Variants in CCNG2 observed in about 807,000 individuals in gnomAD.
The protein encoded by CCNG2 is cyclin-G2.
A neutral mutation model predicts 36.5 loss-of-function variants in CCNG2; 20 were observed. The observed-to-expected ratio is 0.55, with a 90% confidence interval of 0.39 to 0.80. The LOEUF (loss-of-function observed/expected upper bound fraction) is 0.80. CCNG2 is among the 30% of genes least tolerant of loss of function. The pLI is 0.00. For synonymous variants in CCNG2, 155 were observed against 140.1 expected (o/e 1.11, Z -0.75); for missense variants, 358 against 390.8 (o/e 0.92, Z 0.71).
In CCNG2 at chr4:77,167,439, A is replaced by T. The variant is rs1002869963; in HGVS notation, c.*1515A>T. On this transcript the variant is annotated 3_prime_UTR_variant, in exon 8 of 8. Coordinates refer to ENST00000316355, the MANE Select transcript of CCNG2 (RefSeq NM_004354.3). ...ATTAAGTATGCTCTCAGAGACTGGT[A>T]TATTACCAGAATGCCTATTAATTTT... The T allele has an allele frequency of 6.6e-6, 1 of 152,194 alleles. No homozygotes were observed. Among genetic ancestry groups the T allele is most frequent in the African/African-American group, 2.4e-5 (1 of 41,444 alleles). The allele number at this position is 152,194 out of a possible 1,614,324, so 9.4% of individuals were successfully genotyped here.
intron 7 of CCNG2, 33 bp from the exon 8 acceptor site, chr4:77,165,768 G>C (rs748055630): frequency 6.6e-7 from 1 of 1,521,434 alleles, no homozygotes; most frequent in East Asian, 2.4e-5. Context: ...TTAAGTAATG[G>C]TATCCTCTTT....
Position 77,157,420 on chromosome 4 carries a change from C to G in CCNG2, c.-87C>G, listed in dbSNP as rs993486947. 6.6e-6 allele frequency: 1 copy of G among 152,400 alleles called. No individual in the cohort carries two copies. Among genetic ancestry groups the G allele is most frequent in the Non-Finnish European group, 1.5e-5 (1 of 68,208 alleles). The allele number at this position is 152,400 out of a possible 1,614,324, so 9.4% of individuals were successfully genotyped here. ...CACCGCTGAGGCGGTGGGTCCCCGACCTGCGAGACAGGTTTGGAAGCCCCC... is the reference window on the plus strand; with the variant it reads ...CACCGCTGAGGCGGTGGGTCCCCGAGCTGCGAGACAGGTTTGGAAGCCCCC... On this transcript the variant is annotated 5_prime_UTR_variant, in exon 1 of 8. Transcript: ENST00000316355.
At position 77,163,027 on chromosome 4, in the gene CCNG2, G is replaced by T. The variant is rs538771706; in HGVS notation, c.706-1247G>T. ...CAGGAAATTTGGGAGAAGTTAATTT[G>T]TGATGAGAGCAATATGATTTTAGAT... is the stretch of plus-strand genomic sequence containing the variant. On this transcript the variant is annotated intron_variant, in intron 6 of 7. Transcript: ENST00000316355. Among the ~76,000 whole-genome samples, 17 of 152,220 alleles carry T rather than the reference G, an allele frequency of 1.1e-4. No individual in the cohort carries two copies. The South Asian group carries it at 3.5e-3, about 32-fold the overall frequency.
chr4:77,168,376 T>TA lies in CCNG2; in HGVS notation c.*2453dup, dbSNP rs1178092589. On this transcript the variant is annotated 3_prime_UTR_variant, in exon 8 of 8. Transcript: ENST00000316355. Reference sequence around the variant, plus strand: ...TTTGTGATCCCTCAGCTTCCAGGCTTACTCCTGGTCTCTGCCTTCCTATCT... The same window carrying TA: ...TTTGTGATCCCTCAGCTTCCAGGCTTAACTCCTGGTCTCTGCCTTCCTATCT... 1 of 152,240 alleles carries TA rather than the reference T, an allele frequency of 6.6e-6. No individual in the cohort carries two copies. The highest frequency in any genetic ancestry group is 6.5e-5 in the Admixed American group (1 of 15,282). 9.4% of individuals were successfully genotyped at this position (152,240 alleles called of 1,614,324 possible). A position where few individuals can be genotyped will look rare whatever the true frequency, so the allele number is the denominator to read the frequency against.
chr4:77,159,286 A>C, intron 2 of CCNG2, 81 bp from the exon 3 acceptor site: 1 of 1,325,234 alleles, frequency 7.5e-7, no homozygotes. Flanking sequence ...GGAAAAAATT[A>C]ACCTTATTCT....
In CCNG2 at chr4:77,161,473, T is replaced by C; in HGVS notation, c.528-7T>C. 6.4e-7 allele frequency: 1 copy of C among 1,560,828 alleles called. No homozygotes were observed. Among genetic ancestry groups the C allele is most frequent in the Non-Finnish European group, 8.7e-7 (1 of 1,150,376 alleles). ...TTTAATAAATCTTTGTTCTTTGCAT[T>C]GTATAGGAAAGAAATACTGAGCCTT... On this transcript the variant is annotated splice_polypyrimidine_tract_variant and splice_region_variant and intron_variant, in intron 4 of 7. Transcript: ENST00000316355.
intron 7 of CCNG2, among the ~76,000 whole-genome samples, chr4:77,165,178 A>C (rs1731595394): frequency 6.6e-6 from 1 of 152,180 alleles, no homozygotes; most frequent in Admixed American, 6.5e-5. Context: ...CAGAAGTTTC[A>C]TTTTCATAGC....
chr4:77,161,099 CTTTT>C (rs34505988), intron 4 of CCNG2, 128 bp downstream of exon 4: 1,916 of 306,028 alleles, frequency 6.3e-3, no homozygotes, highest in East Asian at 8.7e-3. Context: ...ATTGGTAAAT[CTTTT>C]TTTTTTTTTT....
rs1731695463 is a variant in CCNG2 at position 77,168,857 on chromosome 4, A to G, written c.*2933A>G. The G allele has an allele frequency of 6.6e-6, 1 of 152,186 alleles. No individual in the cohort carries two copies. The highest frequency in any genetic ancestry group is 1.5e-5 in the Non-Finnish European group (1 of 68,030). The allele number at this position is 152,186 out of a possible 1,614,324, so 9.4% of individuals were successfully genotyped here. A position where few individuals can be genotyped will look rare whatever the true frequency, so the allele number is the denominator to read the frequency against. ...TTTTCAGAGCAGAGGGTGAGGAGAA[A>G]GCTACCATTTTGTCCTCATCCTTAC... On this transcript the variant is annotated 3_prime_UTR_variant, in exon 8 of 8. Coordinates refer to ENST00000316355, the MANE Select transcript of CCNG2 (RefSeq NM_004354.3).
chr4:77,157,892 C>T (rs373464293), intron 1 of CCNG2, among the ~76,000 whole-genome samples: 6 of 151,760 alleles, frequency 4.0e-5, no homozygotes, highest in African/African-American at 1.5e-4. Context: ...GCGGGCTGGA[C>T]TGGACTTCTC....
intron 2 of CCNG2, among the ~76,000 whole-genome samples, chr4:77,159,133 C>T (rs1197380761): frequency 6.6e-6 from 1 of 152,180 alleles, no homozygotes; most frequent in African/African-American, 2.4e-5. Flanking sequence ...TATTGAATTG[C>T]TGAAGCTCTT....
chr4:77,159,410 A>G lies in CCNG2; in HGVS notation c.182A>G (p.Glu61Gly). The G allele has an allele frequency of 6.2e-7, 1 of 1,613,872 alleles. No homozygotes were observed. The highest frequency in any genetic ancestry group is 8.5e-7 in the Non-Finnish European group (1 of 1,179,876). The change falls in exon 3 of 8, where the codon GAA (glutamate) becomes GGA (glycine). Residue 61 changes from glutamate (E) to glycine (G), a missense_variant. Physicochemically the swap from Glu to Gly is moderately conservative, Grantham distance 98 (BLOSUM62 -2). Coordinates refer to ENST00000316355, the MANE Select transcript of CCNG2 (RefSeq NM_004354.3). The part of the protein sequence containing the change: ...LCPGLRNAKV[E>G]DLRSLANFFG... The stretch of plus-strand genomic sequence containing the variant: ...CCAGGATTGAGAAATGCCAAAGTTG[A>G]AGATTTAAGGAGTTTAGCCAACTTT...
At chr4:77,163,102 A>G (rs1458251625) in intron 6 of CCNG2, among the ~76,000 whole-genome samples, 1 of 152,136 alleles carries the variant, frequency 6.6e-6, no homozygotes. Context: ...TTTTGGAATA[A>G]GAAGATAAAC....
At chr4:77,162,376 A>AT (rs35692387) in intron 6 of CCNG2, among the ~76,000 whole-genome samples, 3,769 of 71,448 alleles carry the variant, frequency 0.053, 349 homozygotes, top group African/African-American at 0.1. Context: ...GTACTTTGGG[A>AT]TTTTTTTTTT....
Position 77,164,332 on chromosome 4 carries a change from A to G in CCNG2, c.764A>G (p.Tyr255Cys). Residue 255 changes from tyrosine to cysteine, a missense_variant, in exon 7 of 8, where the codon TAT (tyrosine) becomes TGT (cysteine). Tyr to Cys is a radical substitution (Grantham distance 194, BLOSUM62 -2). Transcript: ENST00000316355. ...RELVSKCLAEYSSPECCKPDL... is the reference protein window; with the variant it reads ...RELVSKCLAECSSPECCKPDL... ...TTGGTTTCTAAATGCCTAGCCGAGT[A>G]TTCTTCTCCTGAATGTTGCAAACCA... 6.2e-7 allele frequency: 1 copy of G among 1,613,996 alleles called. No homozygotes were observed.
At position 77,166,105 on chromosome 4, in the gene CCNG2, G is replaced by C; in HGVS notation, c.*181G>C. 2.1e-6 allele frequency: 1 copy of C among 476,230 alleles called. No individual in the cohort carries two copies. The highest frequency in any genetic ancestry group is 3.6e-6 in the Non-Finnish European group (1 of 279,086). 29.5% of individuals were successfully genotyped at this position (476,230 alleles called of 1,614,324 possible). A position where few individuals can be genotyped will look rare whatever the true frequency, so the allele number is the denominator to read the frequency against. On this transcript the variant is annotated 3_prime_UTR_variant, in exon 8 of 8. Transcript: ENST00000316355. ...CATATTTATCCTAAGCCATCAAATG[G>C]GGTAGTGCCTCTTAAACCATTAACA...
intron 1 of CCNG2, among the ~76,000 whole-genome samples, chr4:77,158,028 C>T (rs886428368): frequency 6.6e-6 from 1 of 151,664 alleles, no homozygotes; most frequent in African/African-American, 2.4e-5. Flanking sequence ...CGGGACTCTC[C>T]GAGAGGGGCT....
Position 77,164,325 on chromosome 4 carries a change from G to GC in CCNG2, c.759dup (p.Glu254ArgfsTer6). 6.2e-7 allele frequency: 1 copy of GC among 1,614,008 alleles called. No individual in the cohort carries two copies. Among genetic ancestry groups the GC allele is most frequent in the Non-Finnish European group, 8.5e-7 (1 of 1,180,002 alleles). Reference sequence around the variant, plus strand: ...GAGAGAGTTGGTTTCTAAATGCCTAGCCGAGTATTCTTCTCCTGAATGTTG... The same window carrying GC: ...GAGAGAGTTGGTTTCTAAATGCCTAGCCCGAGTATTCTTCTCCTGAATGTTG... On this transcript the variant is annotated frameshift_variant, in exon 7 of 8. Coordinates refer to ENST00000316355, the MANE Select transcript of CCNG2 (RefSeq NM_004354.3). LOFTEE classifies it high-confidence loss of function.
At chr4:77,158,734 C>A in intron 2 of CCNG2, 64 bp downstream of exon 2, 1 of 1,566,358 alleles carries the variant, frequency 6.4e-7, no homozygotes, top group Middle Eastern at 1.7e-4. Flanking sequence ...GTAACCCCCC[C>A]GCCCCCGTTG....
Sources: allele counts gnomAD v4.1 joint callset (sites outside exome capture counted in the v4.1 genomes callset), GRCh38; gene constraint gnomAD v4.1.1; transcripts MANE v1.5; gene names NCBI Gene and HGNC (gene_info 2026-07-23, HGNC 2026-07-21).